CFAP47: variants seen among roughly 807,000 people sequenced by gnomAD.
CFAP47 encodes cilia- and flagella-associated protein 47.
In CFAP47, 29 loss-of-function variants were observed where a neutral mutation model predicts 148.1. The observed-to-expected ratio is 0.20, with a 90% CI of 0.15 to 0.27. The LOEUF is 0.27. Ranked by LOEUF, CFAP47 falls within the 10% of genes least tolerant of loss-of-function variation. The pLI, the probability that CFAP47 is intolerant of heterozygous loss-of-function variation, is 1.00. For synonymous variants in CFAP47, 664 were observed against 577.3 expected, an observed-to-expected ratio of 1.15 and a Z score of -2.15; for missense variants, 1,872 against 1,697.5, an observed-to-expected ratio of 1.10 and a Z score of -1.81.
intron 1 of CFAP47, among the ~76,000 whole-genome samples, chrX:35,924,684 T>C (rs73466927): frequency 0.039 from 4,299 of 110,438 alleles, 202 homozygotes; most frequent in African/African-American, 0.13. Context: ...GATTTTAAGC[T>C]TCTTAGAATA....
At position 35,956,174 on chromosome X, in the gene CFAP47, A is replaced by G. The variant is rs139640560; in HGVS notation, c.1388A>G (p.Lys463Arg). ...TTTGAAATTGATCCTGAAAAGGGCA[A>G]GATTACTGGAGGGGGTATGGTGGTA... ...ANFEIDPEKG[K>R]ITGGGMVDVM... Residue 463 changes from lysine to arginine, a missense_variant, in exon 8 of 64, where the codon AAG (lysine) becomes AGG (arginine). By Grantham distance (26) the Lys-to-Arg change is conservative (BLOSUM62 2). Coordinates refer to ENST00000378653, the MANE Select transcript of CFAP47 (RefSeq NM_001304548.2). The G allele has an allele frequency of 5.8e-6, 7 of 1,204,251 alleles. No individual in the cohort carries two copies. In the African/African-American group the frequency reaches 1.2e-4, roughly 21 times the overall value.
At chrX:36,191,754 T>G in intron 42 of CFAP47, among the ~76,000 whole-genome samples, 1 of 110,964 alleles carries the variant, frequency 9.0e-6, no homozygotes, top group Non-Finnish European at 1.9e-5. Flanking sequence ...GAAGCCAAGG[T>G]GGGCAGAATA....
In CFAP47 at chrX:35,966,687, C is replaced by A; in HGVS notation, c.1533C>A (p.His511Gln). 8.5e-7 allele frequency: 1 copy of A among 1,176,208 alleles called. No individual in the cohort carries two copies. ...LQSLSVKSFH[H>Q]VYLAFNSICK... is the part of the protein sequence containing the mutation. ...CTTTGTCGGTAAAATCTTTCCATCACGTATATTTAGCTTTCAACAGCATCT... is the reference window on the plus strand; with the variant it reads ...CTTTGTCGGTAAAATCTTTCCATCAAGTATATTTAGCTTTCAACAGCATCT... Residue 511 changes from histidine (H) to glutamine (Q), a missense_variant, in exon 9 of 64, where the codon CAC becomes CAA. Transcript: ENST00000378653.
At chrX:36,214,686 A>G (rs1297906493) in intron 45 of CFAP47, among the ~76,000 whole-genome samples, 2 of 110,817 alleles carry the variant, frequency 1.8e-5, no homozygotes, top group African/African-American at 6.6e-5. Flanking sequence ...AAGCACACAC[A>G]TTACCCTAGG....
At chrX:35,957,569 G>A (rs915624100) in intron 8 of CFAP47, among the ~76,000 whole-genome samples, 42 of 112,016 alleles carry the variant, frequency 3.7e-4, no homozygotes, top group African/African-American at 1.3e-3. Context: ...ACAAATGTTA[G>A]CCACTTTATA....
chrX:36,317,496 G>A (rs1452376897), intron 56 of CFAP47, among the ~76,000 whole-genome samples: 1 of 108,275 alleles, frequency 9.2e-6, no homozygotes, highest in Admixed American at 9.8e-5. Context: ...TGCAAGCTCC[G>A]CCTCCTAGGT....
intron 21 of CFAP47, 91 bp from the exon 22 acceptor site, chrX:36,014,683 C>A (rs1033501162): frequency 3.7e-6 from 1 of 273,894 alleles, no homozygotes; most frequent in African/African-American, 2.8e-5. Flanking sequence ...TTTAAAACTG[C>A]TTTTTAAAAA....
chrX:36,004,468 A>G (rs1936957604), intron 21 of CFAP47, among the ~76,000 whole-genome samples: 1 of 111,590 alleles, frequency 9.0e-6, no homozygotes, highest in Non-Finnish European at 1.9e-5. Context: ...TGCTCATAGC[A>G]GCATTATTCA....
intron 15 of CFAP47, among the ~76,000 whole-genome samples, chrX:35,978,483 T>C (rs981363105): frequency 8.9e-6 from 1 of 112,029 alleles, no homozygotes; most frequent in African/African-American, 3.2e-5. Context: ...TGGTTGCTCA[T>C]GACACCTCTT....
At chrX:36,026,061 G>A (rs1164158699) in intron 22 of CFAP47, among the ~76,000 whole-genome samples, 1 of 111,431 alleles carries the variant, frequency 9.0e-6, no homozygotes, top group African/African-American at 3.3e-5. Context: ...CATATGTAAC[G>A]CATTTACAGA....
intron 59 of CFAP47, among the ~76,000 whole-genome samples, chrX:36,352,679 A>C (rs1463949661): frequency 9.1e-6 from 1 of 110,436 alleles, no homozygotes; most frequent in Non-Finnish European, 1.9e-5. Flanking sequence ...TCCAGTACAC[A>C]TGGTTACAGA....
At chrX:36,375,417 A>T (rs946573566) in intron 62 of CFAP47, among the ~76,000 whole-genome samples, 6 of 111,981 alleles carry the variant, frequency 5.4e-5, no homozygotes, top group African/African-American at 1.9e-4. Flanking sequence ...ATGTTCTAAA[A>T]TTTGCTGACT....
At chrX:35,935,351 C>A (rs1935894419) in intron 2 of CFAP47, among the ~76,000 whole-genome samples, 1 of 111,582 alleles carries the variant, frequency 9.0e-6, no homozygotes, top group South Asian at 3.8e-4. Flanking sequence ...GACAGGGCAG[C>A]AGTGAGTTCA....
chrX:36,187,489 C>T (rs1393731802), intron 40 of CFAP47, among the ~76,000 whole-genome samples: 2 of 111,457 alleles, frequency 1.8e-5, no homozygotes, highest in African/African-American at 6.5e-5. Context: ...GTTCCAATAT[C>T]AAAGAAATAG....
chrX:36,355,942 G>C (rs1473037489), intron 60 of CFAP47, among the ~76,000 whole-genome samples: 1 of 111,444 alleles, frequency 9.0e-6, no homozygotes, highest in African/African-American at 3.3e-5. Flanking sequence ...ACTTTAAATT[G>C]CTTAAGTTGT....
intron 15 of CFAP47, among the ~76,000 whole-genome samples, chrX:35,981,566 G>T (rs1028125188): frequency 9.0e-6 from 1 of 110,557 alleles, no homozygotes; most frequent in Non-Finnish European, 1.9e-5. Context: ...TACATGTGCA[G>T]GTTTGTTACA....
At chrX:36,086,337 G>T (rs747912246) in intron 30 of CFAP47, among the ~76,000 whole-genome samples, 1 of 111,719 alleles carries the variant, frequency 9.0e-6, no homozygotes, top group Non-Finnish European at 1.9e-5. Flanking sequence ...ATTTAGCATC[G>T]AGTTGAACAT....
Position 36,384,906 on chromosome X carries a change from T to G in CFAP47, c.9464T>G (p.Met3155Arg). The change falls in exon 64 of 64, where the codon ATG (methionine) becomes AGG (arginine). Residue 3155 changes from methionine (M) to arginine (R), a missense_variant. By Grantham distance (91) the Met-to-Arg change is moderately conservative. Coordinates refer to ENST00000378653, the MANE Select transcript of CFAP47 (RefSeq NM_001304548.2). The stretch of plus-strand genomic sequence containing the variant: ...GCTACTCACAAGACACATGACAACA[T>G]GCCAGTCCGTCCACATAATTTTGTC... ...IDATHKTHDNMPVRPHNFVRE... is the reference protein window; with the variant it reads ...IDATHKTHDNRPVRPHNFVRE... 8.6e-7 allele frequency: 1 copy of G among 1,165,961 alleles called. No homozygotes were observed. The highest frequency in any genetic ancestry group is 1.1e-6 in the Non-Finnish European group (1 of 871,313).
At chrX:35,997,897 A>T (rs967484982) in intron 19 of CFAP47, among the ~76,000 whole-genome samples, 1 of 111,671 alleles carries the variant, frequency 9.0e-6, no homozygotes, top group African/African-American at 3.2e-5. Flanking sequence ...TTGTGTAGAC[A>T]TACTATAATT....
Sources: allele counts gnomAD v4.1 joint callset (sites outside exome capture counted in the v4.1 genomes callset), GRCh38; gene constraint gnomAD v4.1.1; transcripts MANE v1.5; gene names NCBI Gene and HGNC (gene_info 2026-07-23, HGNC 2026-07-21).